Variants in WDFY3 observed in about 807,000 individuals in gnomAD.
WDFY3 encodes WD repeat and FYVE domain-containing protein 3.
Under a neutral mutation model 409.6 loss-of-function variants are expected in WDFY3, and 66 were observed. That is an observed-to-expected ratio of 0.16 (90% CI 0.13 to 0.20). The LOEUF is 0.20. Ranked by LOEUF, WDFY3 falls within the 10% of genes least tolerant of loss-of-function variation. The pLI, the probability that WDFY3 is intolerant of heterozygous loss-of-function variation, is 1.00. For missense variants in WDFY3, 3,031 were observed against 4,298.1 expected, an observed-to-expected ratio of 0.71 and a Z score of 8.24; for synonymous variants, 1,521 against 1,537.1, an observed-to-expected ratio of 0.99 and a Z score of 0.25.
chr4:84,914,290 A>G (rs987499132), intron 2 of WDFY3, among the ~76,000 whole-genome samples: 4 of 152,050 alleles, frequency 2.6e-5, no homozygotes. Flanking sequence ...GCGTGGTGGC[A>G]GGTGCCTATA....
In WDFY3 at chr4:84,735,130, G is replaced by T. The variant is rs779507613; in HGVS notation, c.6916-10C>A. On this transcript the variant is annotated splice_polypyrimidine_tract_variant and intron_variant, in intron 42 of 67. Coordinates refer to ENST00000295888, the MANE Select transcript of WDFY3 (RefSeq NM_014991.6). The stretch of plus-strand genomic sequence containing the variant: ...TCCACTGCGAAATCTCCTAACAATG[G>T]ATGGAAAAAGAGTCTTAATATTTCA... The T allele has an allele frequency of 1.6e-5, 26 of 1,606,750 alleles. No homozygotes were observed. The highest frequency in any genetic ancestry group is 2.2e-5 in the Non-Finnish European group (26 of 1,177,338).
chr4:84,825,950 A>C (rs1342008397), intron 10 of WDFY3, among the ~76,000 whole-genome samples: 1 of 152,196 alleles, frequency 6.6e-6, no homozygotes, highest in African/African-American at 2.4e-5. Flanking sequence ...ACTAACTTGC[A>C]TAAGTATGTA....
chr4:84,697,748 AC>A (rs1730363269), intron 56 of WDFY3, among the ~76,000 whole-genome samples: 1 of 152,226 alleles, frequency 6.6e-6, no homozygotes, highest in African/African-American at 2.4e-5. Context: ...ATGTTGACTC[AC>A]TAGTTTAATA....
intron 44 of WDFY3, among the ~76,000 whole-genome samples, chr4:84,728,013 C>A (rs1735947133): frequency 6.7e-6 from 1 of 149,520 alleles, no homozygotes; most frequent in African/African-American, 2.5e-5. Context: ...ATTTTAATGG[C>A]AAAAACAGAT....
rs537242441 is a variant in WDFY3, at chr4:84,748,510, A to T, written c.5973+2973T>A. On this transcript the variant is annotated intron_variant, in intron 36 of 67. Coordinates refer to ENST00000295888, the MANE Select transcript of WDFY3 (RefSeq NM_014991.6). Reference sequence around the variant, plus strand: ...AATAATATCATTCTCTAGAGAATGAATTTAGCTTGGGAAGATGAAAATGCT... The same window carrying T: ...AATAATATCATTCTCTAGAGAATGATTTTAGCTTGGGAAGATGAAAATGCT... 1.1e-3 allele frequency among the ~76,000 whole-genome samples: 166 copies of T among 152,242 alleles called. 2 individuals are homozygous for T. The highest frequency in any genetic ancestry group is 3.7e-3 in the African/African-American group (155 of 41,550).
chr4:84,699,722 C>G (rs1017770307), intron 56 of WDFY3, among the ~76,000 whole-genome samples: 1 of 152,056 alleles, frequency 6.6e-6, no homozygotes, highest in Non-Finnish European at 1.5e-5. Context: ...TGTTGTTTTT[C>G]AGTTCCCCCC....
chr4:84,846,397 T>C (rs923725571), intron 5 of WDFY3, among the ~76,000 whole-genome samples: 5 of 152,016 alleles, frequency 3.3e-5, no homozygotes, highest in African/African-American at 1.2e-4. Context: ...ATTCTTACTG[T>C]AATTAACAAT....
intron 25 of WDFY3, 105 bp downstream of exon 25, chr4:84,782,858 T>C: frequency 1.1e-6 from 1 of 911,098 alleles, no homozygotes; most frequent in Non-Finnish European, 1.8e-6. Flanking sequence ...TATAGGTCAG[T>C]GCTATTAAAA....
At chr4:84,898,646 T>C (rs556701379) in intron 2 of WDFY3, among the ~76,000 whole-genome samples, 5 of 152,272 alleles carry the variant, frequency 3.3e-5, no homozygotes, top group Middle Eastern at 3.4e-3. Context: ...ACCAGAAAAA[T>C]AGACCTCCTT....
At chr4:84,776,543 G>A (rs1290820243) in intron 27 of WDFY3, among the ~76,000 whole-genome samples, 10 of 152,018 alleles carry the variant, frequency 6.6e-5, no homozygotes, top group African/African-American at 2.2e-4. Context: ...GTGAAAACAA[G>A]GTTAGGCTGG....
intron 61 of WDFY3, 32 bp downstream of exon 61, chr4:84,690,474 T>C: frequency 6.2e-7 from 1 of 1,614,014 alleles, no homozygotes. Flanking sequence ...ATGGACTATG[T>C]CCTTCTTGGC....
chr4:84,904,486 T>C (rs1212526224), intron 2 of WDFY3, among the ~76,000 whole-genome samples: 1 of 152,178 alleles, frequency 6.6e-6, no homozygotes, highest in Non-Finnish European at 1.5e-5. Context: ...ATGGTAGACA[T>C]GGTAGAGATG....
rs147013952 is a variant in WDFY3 at position 84,787,581 on chromosome 4, T to C, written c.3802A>G (p.Thr1268Ala). The C allele has an allele frequency of 5.6e-6, 9 of 1,614,178 alleles. No individual in the cohort carries two copies. The highest frequency in any genetic ancestry group is 6.8e-6 in the Non-Finnish European group (8 of 1,180,032). ...GGTAAAACTTCTTCTAGAAAATGTGTGGGTCCCAGGCGCCAAACCAATGAG... is the reference window on the plus strand; with the variant it reads ...GGTAAAACTTCTTCTAGAAAATGTGCGGGTCCCAGGCGCCAAACCAATGAG... ...IASLVWRLGP[T>A]HFLEEVLPSS... is the part of the protein sequence containing the mutation. Residue 1268 changes from threonine (T) to alanine (A), a missense_variant, in exon 23 of 68, where the codon ACA (threonine) becomes GCA (alanine). Thr to Ala is a moderately conservative substitution (Grantham distance 58). This residue lies in a region of WDFY3 where 1,322 missense variants were observed against 1,697.9 expected (regional missense o/e 0.78). Transcript: ENST00000295888.
intron 2 of WDFY3, among the ~76,000 whole-genome samples, chr4:84,921,235 T>C (rs1340354054): frequency 1.3e-5 from 2 of 152,050 alleles, no homozygotes; most frequent in Non-Finnish European, 2.9e-5. Flanking sequence ...TATTAAGCAA[T>C]ATGTTCAGTG....
Position 84,671,497 on chromosome 4 carries a change from T to C in WDFY3, c.*1371A>G, listed in dbSNP as rs1215289896. 2.0e-5 allele frequency: 3 copies of C among 149,516 alleles called. No individual in the cohort carries two copies. Among genetic ancestry groups the C allele is most frequent in the Admixed American group, 1.3e-4 (2 of 14,904 alleles). 9.3% of individuals were successfully genotyped at this position (149,516 alleles called of 1,614,324 possible). A position where few individuals can be genotyped will look rare whatever the true frequency, so the allele number is the denominator to read the frequency against. On this transcript the variant is annotated 3_prime_UTR_variant, in exon 68 of 68. Transcript: ENST00000295888. ...TGTTTCATTTTTAATATATATTATA[T>C]ATATATATATATGTACATAACACAC...
rs1343785544 is a variant in WDFY3 at position 84,671,404 on chromosome 4, C to T, written c.*1464G>A. The T allele has an allele frequency of 6.6e-6, 1 of 152,340 alleles. No homozygotes were observed. The highest frequency in any genetic ancestry group is 1.5e-5 in the Non-Finnish European group (1 of 67,984). The allele number at this position is 152,340 out of a possible 1,614,324, so 9.4% of individuals were successfully genotyped here. On this transcript the variant is annotated 3_prime_UTR_variant, in exon 68 of 68. Coordinates refer to ENST00000295888, the MANE Select transcript of WDFY3 (RefSeq NM_014991.6). ...ATTAATGATTCTATATTTTTCAAAT[C>T]ACAGGGCTTTTAGAATTGTTCATAA...
intron 51 of WDFY3, among the ~76,000 whole-genome samples, chr4:84,711,632 C>A (rs560972048): frequency 6.6e-6 from 1 of 152,048 alleles, no homozygotes; most frequent in South Asian, 2.1e-4. Flanking sequence ...GAGGGCGGAT[C>A]GCGAGGTCGG....
chr4:84,724,630 A>G (rs781205753), intron 45 of WDFY3, 36 bp from the exon 46 acceptor site: 1 of 1,596,760 alleles, frequency 6.3e-7, no homozygotes, highest in East Asian at 2.2e-5. Context: ...TCCGATAACT[A>G]TCACCAAGAA....
chr4:84,824,725 G>A lies in WDFY3; in HGVS notation c.1123+2090C>T, dbSNP rs182687303. Among the ~76,000 whole-genome samples, 333 of 152,208 alleles carry A rather than the reference G, an allele frequency of 2.2e-3. 7 individuals are homozygous for A. The highest frequency in any genetic ancestry group is 3.7e-4 in the Non-Finnish European group (25 of 68,004). On this transcript the variant is annotated intron_variant, in intron 10 of 67. Transcript: ENST00000295888. ...CTCATCAAATTCAACACTCAATTGAGTAGATTTAATGTACACAATTTACAC... is the reference window on the plus strand; with the variant it reads ...CTCATCAAATTCAACACTCAATTGAATAGATTTAATGTACACAATTTACAC...
Sources: gnomAD v4.1 joint callset for allele counts (sites outside exome capture counted in the v4.1 genomes callset) on GRCh38, gnomAD v4.1.1 for gene constraint, gnomAD v4.1.1 regional missense constraint, MANE v1.5 for transcripts, NCBI Gene and HGNC (gene_info 2026-07-23, HGNC 2026-07-21) for gene names.